The following MICU3 variants were observed in gnomAD, a reference collection of about 807,000 sequenced individuals.
The protein encoded by MICU3 is calcium uptake protein 3, mitochondrial.
MICU3 carries 62 observed loss-of-function variants against 66.5 expected under a neutral mutation model. The observed-to-expected ratio is 0.93, with a 90% confidence interval of 0.76 to 1.15. The LOEUF (loss-of-function observed/expected upper bound fraction) is 1.15, where lower values mean the gene tolerates loss of function less well. Ranked by LOEUF, MICU3 falls within the 50% of genes most tolerant of loss-of-function variation. The pLI, the probability that MICU3 is intolerant of heterozygous loss-of-function variation, is 0.00. For synonymous variants in MICU3, 308 were observed against 240.7 expected (o/e 1.28, Z -2.59); for missense variants, 779 against 664.4 (o/e 1.17, Z -1.90).
intron 1 of MICU3, among the ~76,000 whole-genome samples, chr8:17,030,541 CTTA>C (rs1308543373): frequency 6.6e-6 from 1 of 151,640 alleles, no homozygotes; most frequent in Non-Finnish European, 1.5e-5. Flanking sequence ...TTATGGGCTT[CTTA>C]TTAGTGTAAC....
the MICU3 span, chr8:17,133,090 G>A: frequency 1.3e-5 from 2 of 152,174 alleles, no homozygotes; most frequent in Admixed American, 6.5e-5. Context: ...AGTTTCTGTT[G>A]TTTATGAATT....
intron 11 of MICU3, among the ~76,000 whole-genome samples, chr8:17,106,807 G>C (rs796500236): frequency 2.0e-5 from 3 of 151,270 alleles, no homozygotes; most frequent in African/African-American, 7.3e-5. Context: ...GCATATTTTA[G>C]AATAGTGGAA....
At chr8:17,107,612 T>A (rs1801850346) in intron 11 of MICU3, among the ~76,000 whole-genome samples, 1 of 152,160 alleles carries the variant, frequency 6.6e-6, no homozygotes, top group Non-Finnish European at 1.5e-5. Context: ...AGTAAAATTG[T>A]ATTGGAACAC....
In MICU3 at chr8:17,120,904, C is replaced by G. The variant is rs970545413; in HGVS notation, c.*617C>G. ...TACTTAATTAACATATGTTGTTTGA[C>G]TTGTATAAAGTTTTTAAAAATTGTT... On this transcript the variant is annotated 3_prime_UTR_variant, in exon 15 of 15. Coordinates refer to ENST00000318063, the MANE Select transcript of MICU3 (RefSeq NM_181723.3). 1 of 152,032 alleles carries G rather than the reference C, an allele frequency of 6.6e-6. No individual in the cohort carries two copies. Among genetic ancestry groups the G allele is most frequent in the Non-Finnish European group, 1.5e-5 (1 of 67,856 alleles). The allele number at this position is 152,032 out of a possible 1,614,324, so 9.4% of individuals were successfully genotyped here. A position where few individuals can be genotyped will look rare whatever the true frequency, so the allele number is the denominator to read the frequency against.
intron 1 of MICU3, among the ~76,000 whole-genome samples, chr8:17,044,608 G>T (rs1250457364): frequency 6.6e-6 from 1 of 152,220 alleles, no homozygotes; most frequent in African/African-American, 2.4e-5. Context: ...CAAAAGCAAT[G>T]TGGATCTTCA....
intron 1 of MICU3, chr8:17,049,738 C>T (rs1815739536): frequency 2.1e-6 from 1 of 483,654 alleles, no homozygotes; most frequent in African/African-American, 2.0e-5. Context: ...CATTTGCTGC[C>T]TGTGTGACCC....
chr8:17,060,850 T>C (rs1416696513), intron 1 of MICU3, among the ~76,000 whole-genome samples: 2 of 151,814 alleles, frequency 1.3e-5, no homozygotes, highest in African/African-American at 2.4e-5. Context: ...AACTCCTTAC[T>C]GACCTTCTTT....
intron 13 of MICU3, 23 bp downstream of exon 13, chr8:17,116,623 T>G (rs754137579): frequency 6.7e-7 from 1 of 1,500,788 alleles, no homozygotes; most frequent in Non-Finnish European, 8.9e-7. Context: ...ATTTTAAACC[T>G]ATTGATATCC....
chr8:17,035,518 T>A (rs1253276999), intron 1 of MICU3, among the ~76,000 whole-genome samples: 1 of 152,232 alleles, frequency 6.6e-6, no homozygotes, highest in Admixed American at 6.5e-5. Context: ...TGTTGGGAAC[T>A]GGAGCAAAGG....
chr8:17,136,531 G>A, the MICU3 span, among the ~76,000 whole-genome samples: 2 of 152,066 alleles, frequency 1.3e-5, no homozygotes, highest in Non-Finnish European at 2.9e-5. Flanking sequence ...AATGGAGCTT[G>A]TGGAGGGGAT....
chr8:17,134,728 G>A, the MICU3 span, among the ~76,000 whole-genome samples: 1 of 152,136 alleles, frequency 6.6e-6, no homozygotes, highest in African/African-American at 2.4e-5. Flanking sequence ...ATAGGCGTGA[G>A]CCACCACACT....
At chr8:17,057,672 C>A (rs1411720815) in intron 1 of MICU3, among the ~76,000 whole-genome samples, 1 of 152,092 alleles carries the variant, frequency 6.6e-6, no homozygotes, top group African/African-American at 2.4e-5. Flanking sequence ...TCCTACATTA[C>A]CACTTTTGAA....
intron 7 of MICU3, among the ~76,000 whole-genome samples, chr8:17,088,507 T>C: frequency 6.6e-6 from 1 of 152,094 alleles, no homozygotes; most frequent in Middle Eastern, 3.4e-3. Flanking sequence ...CTAACTATAA[T>C]TGACTGAATA....
the MICU3 span, among the ~76,000 whole-genome samples, chr8:17,135,503 T>G: frequency 6.6e-6 from 1 of 152,086 alleles, no homozygotes; most frequent in Non-Finnish European, 1.5e-5. Context: ...GAACTCTTGG[T>G]AGTACTGAAA....
At chr8:17,066,683 C>T (rs1215620421) in intron 2 of MICU3, among the ~76,000 whole-genome samples, 9 of 151,242 alleles carry the variant, frequency 6.0e-5, no homozygotes, top group Admixed American at 5.9e-4. Flanking sequence ...GCTGGGACTA[C>T]AGGCACATGC....
intron 1 of MICU3, among the ~76,000 whole-genome samples, chr8:17,031,266 TTATTATTA>T (rs1812002507): frequency 7.3e-6 from 1 of 137,590 alleles, no homozygotes; most frequent in African/African-American, 2.9e-5. Context: ...ACTTCATTTA[TTATTATTA>T]TTATTATTAT....
At chr8:17,069,543 G>C (rs184905691) in intron 2 of MICU3, 145 bp from the exon 3 acceptor site, 265 of 406,144 alleles carry the variant, frequency 6.5e-4, no homozygotes, top group African/African-American at 5.2e-3. Flanking sequence ...TCATATCACA[G>C]ATCCAAATTT....
intron 8 of MICU3, among the ~76,000 whole-genome samples, chr8:17,096,243 C>T (rs369708486): frequency 6.6e-6 from 1 of 151,858 alleles, no homozygotes; most frequent in Non-Finnish European, 1.5e-5. Flanking sequence ...TCTCTGTCAG[C>T]CTTTCCTTAC....
intron 1 of MICU3, among the ~76,000 whole-genome samples, chr8:17,031,262 T>TTTTTTTTTA (rs111800861): frequency 0.036 from 4,951 of 139,136 alleles, 296 homozygotes; most frequent in African/African-American, 0.13. Flanking sequence ...TGCCACTTCA[T>TTTTTTTTTA]TTATTATTAT....
Sources: allele counts gnomAD v4.1 joint callset (sites outside exome capture counted in the v4.1 genomes callset), GRCh38; gene constraint gnomAD v4.1.1; transcripts MANE v1.5; gene names NCBI Gene and HGNC (gene_info 2026-07-23, HGNC 2026-07-21).